Variants in CADM2 observed in about 807,000 individuals in gnomAD.
CADM2 encodes the protein immunoglobulin superfamily member 4D.
A neutral mutation model predicts 49.8 loss-of-function variants in CADM2; 12 were observed. The ratio of observed to expected loss-of-function variants is 0.24; its 90% CI spans 0.15 to 0.39. CADM2 has a LOEUF of 0.39. Ranked by LOEUF, CADM2 falls within the 10% of genes least tolerant of loss-of-function variation. The pLI, the probability that CADM2 is intolerant of heterozygous loss-of-function variation, is 1.00. For missense variants in CADM2, 378 were observed against 492.3 expected (o/e 0.77, Z 2.20); for synonymous variants, 214 against 175.4 (o/e 1.22, Z -1.74).
chr3:84,975,643 C>T (rs1236159456), intron 1 of CADM2, among the ~76,000 whole-genome samples: 1 of 151,738 alleles, frequency 6.6e-6, no homozygotes, highest in Non-Finnish European at 1.5e-5. Context: ...CTTGCTGCTA[C>T]TTAGATCATA....
intron 2 of CADM2, among the ~76,000 whole-genome samples, chr3:85,761,047 TC>T (rs1336203263): frequency 6.6e-6 from 1 of 152,104 alleles, no homozygotes; most frequent in African/African-American, 2.4e-5. Flanking sequence ...TTAGTTCAAC[TC>T]TCGCTAAGGC....
chr3:85,061,667 T>C (rs2036321529), intron 1 of CADM2, among the ~76,000 whole-genome samples: 1 of 152,152 alleles, frequency 6.6e-6, no homozygotes, highest in Admixed American at 6.6e-5. Context: ...TACTCCTTTT[T>C]TCATGCAATC....
intron 8 of CADM2, among the ~76,000 whole-genome samples, chr3:86,038,349 T>C (rs923651980): frequency 9.9e-5 from 15 of 152,210 alleles, no homozygotes; most frequent in Non-Finnish European, 1.6e-4. Flanking sequence ...AGAGAATCCA[T>C]GCCCAAGGAG....
intron 1 of CADM2, among the ~76,000 whole-genome samples, chr3:85,326,164 A>G (rs2044744406): frequency 1.3e-5 from 2 of 152,208 alleles, no homozygotes; most frequent in African/African-American, 4.8e-5. Context: ...TCAGAGACTG[A>G]AAGAGATTTT....
chr3:84,982,718 T>G, intron 1 of CADM2, among the ~76,000 whole-genome samples: 1 of 137,728 alleles, frequency 7.3e-6, no homozygotes, highest in Non-Finnish European at 1.6e-5. Flanking sequence ...TATATATATA[T>G]ATATATATAT....
intron 1 of CADM2, among the ~76,000 whole-genome samples, chr3:85,683,348 T>C (rs2066094666): frequency 6.6e-6 from 1 of 152,162 alleles, no homozygotes; most frequent in Non-Finnish European, 1.5e-5. Flanking sequence ...GGTTGTCTGA[T>C]TTGCTTATGC....
intron 1 of CADM2, among the ~76,000 whole-genome samples, chr3:84,981,198 A>G (rs998980365): frequency 9.2e-5 from 13 of 141,006 alleles, no homozygotes; most frequent in African/African-American, 3.5e-4. Context: ...TCATTGTTCA[A>G]TTCGCACCTA....
intron 1 of CADM2, among the ~76,000 whole-genome samples, chr3:85,257,445 T>C (rs560229192): frequency 4.6e-5 from 7 of 152,104 alleles, no homozygotes; most frequent in Non-Finnish European, 8.8e-5. Flanking sequence ...GCTGGGCCAG[T>C]ACTATAGCTA....
chr3:85,654,171 G>A (rs2065131786), intron 1 of CADM2, among the ~76,000 whole-genome samples: 1 of 152,208 alleles, frequency 6.6e-6, no homozygotes, highest in Non-Finnish European at 1.5e-5. Context: ...GGGAGCAGAG[G>A]CACTGGGTGT....
chr3:85,246,308 AG>A (rs968684364), intron 1 of CADM2, among the ~76,000 whole-genome samples: 1 of 151,950 alleles, frequency 6.6e-6, no homozygotes, highest in African/African-American at 2.4e-5. Context: ...GGGTGGGGGA[AG>A]GGGGTAGGGA....
chr3:85,833,291 T>G (rs903677475), intron 3 of CADM2, among the ~76,000 whole-genome samples: 13 of 151,696 alleles, frequency 8.6e-5, no homozygotes, highest in Non-Finnish European at 1.5e-4. Flanking sequence ...GTTGTTGTTG[T>G]TGTTGTTGTT....
At chr3:85,808,014 T>C (rs2072561838) in intron 3 of CADM2, among the ~76,000 whole-genome samples, 1 of 152,188 alleles carries the variant, frequency 6.6e-6, no homozygotes, top group African/African-American at 2.4e-5. Context: ...AAGGTGTTCA[T>C]TGACACCCCA....
At position 85,139,045 on chromosome 3, in the gene CADM2, A is replaced by G. The variant is rs531801519; in HGVS notation, c.61+179377A>G. Among the ~76,000 whole-genome samples, 3 of 152,270 alleles carry G rather than the reference A, an allele frequency of 2.0e-5. No individual in the cohort carries two copies. The East Asian group carries it at 5.8e-4, about 29-fold the overall frequency. ...GAAAAGTGCCACATCTGCTACTGGCATCGGTGAGTGCAGGTTGGGCAGTTA... is the reference window on the plus strand; with the variant it reads ...GAAAAGTGCCACATCTGCTACTGGCGTCGGTGAGTGCAGGTTGGGCAGTTA... On this transcript the variant is annotated intron_variant, in intron 1 of 9. Coordinates refer to ENST00000383699, the MANE Select transcript of CADM2 (RefSeq NM_001167675.2).
At chr3:85,609,073 A>G (rs746554722) in intron 1 of CADM2, among the ~76,000 whole-genome samples, 28 of 151,892 alleles carry the variant, frequency 1.8e-4, no homozygotes, top group South Asian at 1.2e-3. Context: ...TGTTTTTTCA[A>G]TAGCTGTTTC....
chr3:85,828,108 A>G (rs1022488842), intron 3 of CADM2: 1 of 151,988 alleles, frequency 6.6e-6, no homozygotes, highest in African/African-American at 2.4e-5. Context: ...ACCATTTATT[A>G]CAATGCAAGA....
At chr3:85,060,230 A>C (rs1336313182) in intron 1 of CADM2, among the ~76,000 whole-genome samples, 3 of 152,120 alleles carry the variant, frequency 2.0e-5, no homozygotes, top group Non-Finnish European at 4.4e-5. Flanking sequence ...TGCCAGGTTC[A>C]AGTGATTCTC....
At chr3:85,897,313 A>G (rs1325949965) in intron 5 of CADM2, among the ~76,000 whole-genome samples, 2 of 114,160 alleles carry the variant, frequency 1.8e-5, no homozygotes, top group South Asian at 3.1e-4. Flanking sequence ...CCCAGGCCGG[A>G]CTGCGGACTG....
At chr3:85,774,409 C>G (rs894578438) in intron 2 of CADM2, among the ~76,000 whole-genome samples, 1 of 151,720 alleles carries the variant, frequency 6.6e-6, no homozygotes, top group Admixed American at 6.6e-5. Context: ...GAGGAAGATT[C>G]TGTAGTCACC....
At chr3:85,692,943 A>G (rs1333265462) in intron 1 of CADM2, among the ~76,000 whole-genome samples, 1 of 152,104 alleles carries the variant, frequency 6.6e-6, no homozygotes, top group Non-Finnish European at 1.5e-5. Context: ...GAAAAATCAG[A>G]AGGAGGCCGG....
Sources: allele counts gnomAD v4.1 joint callset (sites outside exome capture counted in the v4.1 genomes callset), GRCh38; gene constraint gnomAD v4.1.1; transcripts MANE v1.5; gene names NCBI Gene and HGNC (gene_info 2026-07-23, HGNC 2026-07-21).